The following ANO2 variants were observed in gnomAD, a reference collection of about 807,000 sequenced individuals.
ANO2 encodes anoctamin 2.
A neutral mutation model predicts 124.2 loss-of-function variants in ANO2; 101 were observed. The ratio of observed to expected loss-of-function variants is 0.81; its 90% CI spans 0.69 to 0.96. The LOEUF is 0.96. ANO2 is among the 40% of genes least tolerant of loss of function. The probability of loss-of-function intolerance (pLI) is 0.00; values close to 1 mark genes in which losing one functional copy is unlikely to be tolerated. For synonymous variants in ANO2, 486 were observed against 482.5 expected (o/e 1.01, Z -0.09); for missense variants, 1,293 against 1,274.5 (o/e 1.01, Z -0.22).
intron 3 of ANO2, among the ~76,000 whole-genome samples, chr12:5,895,518 C>T (rs1341872845): frequency 6.6e-6 from 1 of 151,950 alleles, no homozygotes; most frequent in African/African-American, 2.4e-5. Context: ...AAATAGCCAA[C>T]AAACATATGA....
chr12:5,721,446 T>G (rs1326587756), intron 14 of ANO2, among the ~76,000 whole-genome samples: 9 of 152,324 alleles, frequency 5.9e-5, no homozygotes, highest in South Asian at 2.1e-4. Context: ...GGCTGTCTGC[T>G]TTACTCTTAA....
chr12:5,867,560 C>G (rs1180815100), intron 3 of ANO2, among the ~76,000 whole-genome samples: 1 of 152,056 alleles, frequency 6.6e-6, no homozygotes, highest in African/African-American at 2.4e-5. Context: ...ACTGTGCTGC[C>G]CCGCACATCT....
chr12:5,799,443 T>TCAAA, intron 10 of ANO2, 64 bp downstream of exon 10: 1 of 1,405,912 alleles, frequency 7.1e-7, no homozygotes, highest in African/African-American at 1.4e-5. Context: ...TCAAAAGGTT[T>TCAAA]ATGATACATC....
chr12:5,733,672 C>T (rs1950738352), intron 13 of ANO2, among the ~76,000 whole-genome samples: 1 of 152,192 alleles, frequency 6.6e-6, no homozygotes, highest in African/African-American at 2.4e-5. Context: ...CAGGAGAGGA[C>T]AGACCATGTA....
intron 10 of ANO2, among the ~76,000 whole-genome samples, chr12:5,774,517 T>C (rs1952172869): frequency 6.6e-6 from 1 of 152,188 alleles, no homozygotes; most frequent in African/African-American, 2.4e-5. Context: ...AGAAGAGCAC[T>C]AGGATGTGTA....
chr12:5,808,235 ACAC>A (rs1338555105), intron 7 of ANO2, among the ~76,000 whole-genome samples: 14 of 152,264 alleles, frequency 9.2e-5, no homozygotes, highest in Admixed American at 8.5e-4. Flanking sequence ...ACAGTGTCTC[ACAC>A]CACTTGCACA....
At chr12:5,695,574 C>T (rs1391216939) in intron 14 of ANO2, among the ~76,000 whole-genome samples, 1 of 152,240 alleles carries the variant, frequency 6.6e-6, no homozygotes, top group Non-Finnish European at 1.5e-5. Context: ...GGCCCAGTGG[C>T]TCATGCCTGC....
intron 4 of ANO2, among the ~76,000 whole-genome samples, chr12:5,846,251 C>G (rs1281946449): frequency 6.6e-6 from 1 of 152,148 alleles, no homozygotes; most frequent in Non-Finnish European, 1.5e-5. Flanking sequence ...CCATTCATAA[C>G]AACGTGAGCC....
At chr12:5,859,046 G>A (rs1675309328) in intron 3 of ANO2, among the ~76,000 whole-genome samples, 2 of 152,190 alleles carry the variant, frequency 1.3e-5, no homozygotes, top group South Asian at 2.1e-4. Context: ...TGCTGAAATC[G>A]ACAGGAAATT....
In ANO2 at chr12:5,913,670, A is replaced by G. The variant is rs143882528; in HGVS notation, c.534+7370T>C. On this transcript the variant is annotated intron_variant, in intron 3 of 24. Coordinates refer to ENST00000682330, the MANE Select transcript of ANO2 (RefSeq NM_001364791.2). Reference sequence around the variant, plus strand: ...AGCAGGACCCCTTAGTGGCAGCGTGACCTTGGCCAAGCCACTTGGCCTGTC... The same window carrying G: ...AGCAGGACCCCTTAGTGGCAGCGTGGCCTTGGCCAAGCCACTTGGCCTGTC... Among the ~76,000 whole-genome samples, 1,163 of 152,322 alleles carry G rather than the reference A, an allele frequency of 7.6e-3. 15 individuals are homozygous for G. The highest frequency in any genetic ancestry group is 0.026 in the African/African-American group (1,098 of 41,564).
intron 6 of ANO2, 127 bp downstream of exon 6, chr12:5,830,308 C>T (rs1393467020): frequency 2.1e-6 from 2 of 930,912 alleles, no homozygotes. Context: ...ATACTCTTCT[C>T]TGTTGCTAGG....
chr12:5,703,354 C>A (rs1440347745), intron 14 of ANO2, among the ~76,000 whole-genome samples: 1 of 151,988 alleles, frequency 6.6e-6, no homozygotes, highest in African/African-American at 2.4e-5. Context: ...ATGGTAAACA[C>A]AACGTTAAGA....
chr12:5,927,997 CA>C (rs1373069827), intron 1 of ANO2, among the ~76,000 whole-genome samples: 1 of 152,108 alleles, frequency 6.6e-6, no homozygotes, highest in Non-Finnish European at 1.5e-5. Context: ...ACACCAAAGC[CA>C]AGGAGACCAG....
intron 3 of ANO2, among the ~76,000 whole-genome samples, chr12:5,865,682 CATGCCACCACAGCATT>C (rs1205047009): frequency 6.6e-6 from 1 of 151,928 alleles, no homozygotes; most frequent in Non-Finnish European, 1.5e-5. Context: ...TTCACACTAT[CATGCCACCACAGCATT>C]ATGCCACCAT....
chr12:5,600,215 TA>T (rs36111330), intron 19 of ANO2, among the ~76,000 whole-genome samples: 46,866 of 152,026 alleles, frequency 0.31, 7,385 homozygotes, highest in Admixed American at 0.38. Context: ...GGTGGGGTCC[TA>T]ATTCAATAGG....
intron 3 of ANO2, among the ~76,000 whole-genome samples, chr12:5,882,767 A>G (rs1938589522): frequency 6.6e-6 from 1 of 152,170 alleles, no homozygotes; most frequent in Non-Finnish European, 1.5e-5. Context: ...TCCTGATGCA[A>G]AGGACACAGC....
rs142621814 is a variant in ANO2, at chr12:5,611,141, T to C, written c.2087+1515A>G. 2.1e-3 allele frequency among the ~76,000 whole-genome samples: 321 copies of C among 151,768 alleles called. 3 individuals are homozygous for C. Among genetic ancestry groups the C allele is most frequent in the African/African-American group, 7.4e-3 (307 of 41,210 alleles). On this transcript the variant is annotated intron_variant, in intron 19 of 24. Transcript: ENST00000682330. ...GCACACAACCACACCCGGCTAATTTTGTATTTTTTAAGAGAGATGGGGTGT... is the reference window on the plus strand; with the variant it reads ...GCACACAACCACACCCGGCTAATTTCGTATTTTTTAAGAGAGATGGGGTGT...
At chr12:5,915,904 G>A (rs1381885655) in intron 3 of ANO2, among the ~76,000 whole-genome samples, 1 of 152,116 alleles carries the variant, frequency 6.6e-6, no homozygotes. Context: ...GCACACAACT[G>A]GAAGCAACCT....
At chr12:5,822,683 G>A (rs1169305633) in intron 7 of ANO2, among the ~76,000 whole-genome samples, 1 of 152,182 alleles carries the variant, frequency 6.6e-6, no homozygotes, top group Non-Finnish European at 1.5e-5. Context: ...CATGGAAAGG[G>A]CAGAGGTTTG....
Sources: allele counts gnomAD v4.1 joint callset (sites outside exome capture counted in the v4.1 genomes callset), GRCh38; gene constraint gnomAD v4.1.1; transcripts MANE v1.5; gene names NCBI Gene and HGNC (gene_info 2026-07-23, HGNC 2026-07-21).